The following CNOT1 variants were observed in gnomAD, a reference collection of about 807,000 sequenced individuals.
The protein encoded by CNOT1 is CCR4-associated factor 1.
In CNOT1, 15 loss-of-function variants were observed where a neutral mutation model predicts 273.8. That is an observed-to-expected ratio of 0.05 (90% CI 0.04 to 0.08). CNOT1 has a LOEUF of 0.08. Among genes scored for constraint, CNOT1 ranks in the 10% least tolerant of loss-of-function variants. The pLI is 1.00. For missense variants in CNOT1, 1,644 were observed against 2,912.2 expected (o/e 0.56, Z 10.02); for synonymous variants, 1,022 against 1,005.5 (o/e 1.02, Z -0.31).
At chr16:58,560,525 C>T (rs1035027470) in intron 16 of CNOT1, among the ~76,000 whole-genome samples, 163 bp from the exon 17 acceptor site, 4 of 151,978 alleles carry the variant, frequency 2.6e-5, no homozygotes, top group South Asian at 2.1e-4. Context: ...CTCTGCCCCC[C>T]GGGTTCAAGC....
At chr16:58,522,336 T>G (rs12932901) in intron 47 of CNOT1, among the ~76,000 whole-genome samples, 1 of 152,026 alleles carries the variant, frequency 6.6e-6, no homozygotes, top group Non-Finnish European at 1.5e-5. Flanking sequence ...TGGCTTAACT[T>G]TATATCCTTT....
chr16:58,546,198 C>T (rs2040252528), intron 29 of CNOT1, 123 bp downstream of exon 29: 1 of 832,116 alleles, frequency 1.2e-6, no homozygotes, highest in Admixed American at 2.6e-5. Flanking sequence ...CTCACCAAAA[C>T]GTATACAAAG....
chr16:58,581,698 G>A (rs1348448196), intron 10 of CNOT1, among the ~76,000 whole-genome samples, 183 bp from the exon 11 acceptor site: 3 of 150,684 alleles, frequency 2.0e-5, no homozygotes, highest in Non-Finnish European at 4.4e-5. Context: ...GTCTCACTCC[G>A]TTGCTCAGGC....
At chr16:58,579,072 C>A in intron 12 of CNOT1, 133 bp from the exon 13 acceptor site, 1 of 1,436,422 alleles carries the variant, frequency 7.0e-7, no homozygotes, top group South Asian at 1.5e-5. Flanking sequence ...AGTTTGAAGT[C>A]CACAGCACTC....
At chr16:58,599,137 A>T in intron 2 of CNOT1, 99 bp downstream of exon 2, 1 of 1,506,096 alleles carries the variant, frequency 6.6e-7, no homozygotes, top group Non-Finnish European at 9.1e-7. Context: ...GGCAAAAGTT[A>T]GTTACCTTTC....
chr16:58,521,762 G>A (rs1234381210), intron 47 of CNOT1, among the ~76,000 whole-genome samples: 1 of 152,160 alleles, frequency 6.6e-6, no homozygotes, highest in Admixed American at 6.5e-5. Flanking sequence ...GACCAGCCTG[G>A]CCAACATGGT....
At chr16:58,620,314 T>TA (rs1427344000) in intron 1 of CNOT1, among the ~76,000 whole-genome samples, 2 of 152,206 alleles carry the variant, frequency 1.3e-5, no homozygotes, top group Middle Eastern at 6.8e-3. Flanking sequence ...ACTAGAATGA[T>TA]AAAGTTTTGG....
At chr16:58,551,029 A>C in intron 24 of CNOT1, 103 bp downstream of exon 24, 1 of 1,536,868 alleles carries the variant, frequency 6.5e-7, no homozygotes, top group Non-Finnish European at 8.6e-7. Context: ...CTTTGAGTTT[A>C]TTACCTCTAC....
intron 2 of CNOT1, among the ~76,000 whole-genome samples, chr16:58,595,311 C>T (rs905045623): frequency 8.6e-5 from 13 of 151,446 alleles, no homozygotes; most frequent in African/African-American, 2.9e-4. Flanking sequence ...TATTGTTCCC[C>T]GCACCACTAT....
At position 58,555,300 on chromosome 16, in the gene CNOT1, A is replaced by G; in HGVS notation, c.2842T>C (p.Ser948Pro). The change falls in exon 21 of 49, where the codon TCC (serine) becomes CCC (proline). Residue 948 changes from serine to proline, a missense_variant. This residue lies in a region of CNOT1 where 74 missense variants were observed against 184.6 expected (regional missense o/e 0.40). Transcript: ENST00000317147. ...GCAATCCCGAAATAATACATTTTGG[A>G]TCCAAAAGGCTTGCGTAAGGCTTCA... ...VLEALRKPFG[S>P]KMYYFGIAAL... 1 of 1,614,162 alleles carries G rather than the reference A, an allele frequency of 6.2e-7. No individual in the cohort carries two copies. The highest frequency in any genetic ancestry group is 8.5e-7 in the Non-Finnish European group (1 of 1,180,024).
At chr16:58,618,673 TGACCCTTCCG>T in intron 1 of CNOT1, among the ~76,000 whole-genome samples, 1 of 149,832 alleles carries the variant, frequency 6.7e-6, no homozygotes, top group Non-Finnish European at 1.5e-5. Flanking sequence ...GAAAAAGAGT[TGACCCTTCCG>T]TAGTTCATAA....
At chr16:58,571,499 G>A (rs981633847) in intron 16 of CNOT1, among the ~76,000 whole-genome samples, 3 of 152,144 alleles carry the variant, frequency 2.0e-5, no homozygotes, top group Admixed American at 6.5e-5. Context: ...GGAGGAGGTT[G>A]CAGTGAGACA....
At chr16:58,534,423 C>T in intron 39 of CNOT1, 28 bp from the exon 40 acceptor site, 1 of 1,608,136 alleles carries the variant, frequency 6.2e-7, no homozygotes, top group Non-Finnish European at 8.5e-7. Flanking sequence ...AATAAAGACA[C>T]AATGAGGTAA....
intron 1 of CNOT1, among the ~76,000 whole-genome samples, chr16:58,602,286 G>C (rs1484438941): frequency 6.6e-6 from 1 of 151,900 alleles, no homozygotes; most frequent in Non-Finnish European, 1.5e-5. Context: ...GGTGAGGCTG[G>C]TCTCGAACTC....
chr16:58,534,046 G>C (rs972080824), intron 40 of CNOT1, 101 bp downstream of exon 40: 5 of 1,183,132 alleles, frequency 4.2e-6, no homozygotes, highest in Non-Finnish European at 5.2e-6. Flanking sequence ...GACAGAGTGA[G>C]ACTCTCTCAA....
rs928868813 is a variant in CNOT1, at chr16:58,585,645, C to T, written c.638-139G>A. The T allele has an allele frequency of 2.2e-6, 3 of 1,391,126 alleles. No homozygotes were observed. In the Admixed American group the frequency reaches 9.4e-5, roughly 43 times the overall value. 86.2% of individuals were successfully genotyped at this position (1,391,126 alleles called of 1,614,324 possible). A position where few individuals can be genotyped will look rare whatever the true frequency, so the allele number is the denominator to read the frequency against. ...AAGCTTATTTCATTTTTCCAGCCTA[C>T]TAGCCGAAGTTACGACTTTAACATC... On this transcript the variant is annotated intron_variant, in intron 7 of 48. Transcript: ENST00000317147.
intron 47 of CNOT1, among the ~76,000 whole-genome samples, chr16:58,522,394 AGACT>A (rs1377552207): frequency 6.6e-6 from 1 of 152,222 alleles, no homozygotes; most frequent in African/African-American, 2.4e-5. Context: ...AAGTCCAAGG[AGACT>A]TACTGCAGCT....
In CNOT1 at chr16:58,520,571, A is replaced by G. The variant is rs565980313; in HGVS notation, c.*387T>C. Reference sequence around the variant, plus strand: ...TATTCTTTGGGACACCAGGAATGTCAGAAGACATGGAGCTATGCCCTCAGA... The same window carrying G: ...TATTCTTTGGGACACCAGGAATGTCGGAAGACATGGAGCTATGCCCTCAGA... On this transcript the variant is annotated 3_prime_UTR_variant, in exon 49 of 49. Coordinates refer to ENST00000317147, the MANE Select transcript of CNOT1 (RefSeq NM_016284.5). 5.0e-5 allele frequency: 10 copies of G among 198,748 alleles called. No homozygotes were observed. The highest frequency in any genetic ancestry group is 2.3e-4 in the African/African-American group (10 of 43,550). The allele number at this position is 198,748 out of a possible 1,614,324, so 12.3% of individuals were successfully genotyped here.
rs1210695475 is a variant in CNOT1, at chr16:58,523,351, A to ATT, written c.6917+18_6917+19insAA. ...AGGAGATCCTTTTGAAGCATTTAAA[A>ATT]AATAAGCTGCTCGCTTACCTTGTGA... On this transcript the variant is annotated intron_variant, in intron 47 of 48. Transcript: ENST00000317147. 1 of 1,562,554 alleles carries ATT rather than the reference A, an allele frequency of 6.4e-7. No individual in the cohort carries two copies. Among genetic ancestry groups the ATT allele is most frequent in the East Asian group, 2.3e-5 (1 of 44,386 alleles).
Sources: allele counts gnomAD v4.1 joint callset (sites outside exome capture counted in the v4.1 genomes callset), GRCh38; gene constraint gnomAD v4.1.1; regional missense constraint gnomAD v4.1.1; transcripts MANE v1.5; gene names NCBI Gene and HGNC (gene_info 2026-07-23, HGNC 2026-07-21).